PCDHA9: variants seen among roughly 807,000 people sequenced by gnomAD.
PCDHA9 encodes the protein protocadherin alpha-9.
A neutral mutation model predicts 62.0 loss-of-function variants in PCDHA9; 62 were observed. That is an observed-to-expected ratio of 1.00 (90% CI 0.81 to 1.23). The LOEUF (loss-of-function observed/expected upper bound fraction) is 1.23, where lower values mean the gene tolerates loss of function less well. Ranked by LOEUF, PCDHA9 falls within the 50% of genes most tolerant of loss-of-function variation. PCDHA9 has a pLI of 0.00. For missense variants in PCDHA9, 1,205 were observed against 1,249.8 expected (o/e 0.96, Z 0.54); for synonymous variants, 557 against 567.6 (o/e 0.98, Z 0.27).
At chr5:140,966,248 G>C (rs2095985597) in intron 1 of PCDHA9, 2 of 322,664 alleles carry the variant, frequency 6.2e-6, no homozygotes, top group Non-Finnish European at 5.6e-6. Context: ...AAGCAGGGGA[G>C]AGACGGTGGA....
chr5:140,998,755 A>G (rs940678929), intron 3 of PCDHA9, among the ~76,000 whole-genome samples: 2 of 152,062 alleles, frequency 1.3e-5, no homozygotes, highest in African/African-American at 4.8e-5. Flanking sequence ...GAAGAGACAC[A>G]GTTTCACTAT....
chr5:140,993,462 TCACACACACACACACACACACACA>T (rs3836747), intron 3 of PCDHA9, among the ~76,000 whole-genome samples: 3 of 140,938 alleles, frequency 2.1e-5, no homozygotes, highest in African/African-American at 5.3e-5. Flanking sequence ...TCTTTCTTTC[TCACACACACACACACACACACACA>T]CACACACACA....
chr5:140,967,030 C>T, intron 1 of PCDHA9: 1 of 1,609,320 alleles, frequency 6.2e-7, no homozygotes, highest in Non-Finnish European at 8.5e-7. Flanking sequence ...CCAGTCCGCG[C>T]TACCTGGAGC....
At position 140,875,233 on chromosome 5, in the gene PCDHA9, G is replaced by A. The variant is rs1379502066; in HGVS notation, c.2394+24344G>A. Reference sequence around the variant, plus strand: ...CGAAAAGAACCTCAGGATCTTTCTTGTACTTACATAATCAGTCACATGATG... The same window carrying A: ...CGAAAAGAACCTCAGGATCTTTCTTATACTTACATAATCAGTCACATGATG... On this transcript the variant is annotated intron_variant, in intron 1 of 3. Coordinates refer to ENST00000532602, the MANE Select transcript of PCDHA9 (RefSeq NM_031857.2). The A allele has an allele frequency of 3.5e-6, 3 of 863,762 alleles. No individual in the cohort carries two copies. The African/African-American group carries it at 5.1e-5, about 15-fold the overall frequency. The allele number at this position is 863,762 out of a possible 1,614,324, so 53.5% of individuals were successfully genotyped here. A position where few individuals can be genotyped will look rare whatever the true frequency, so the allele number is the denominator to read the frequency against.
chr5:140,962,757 T>C (rs1554226219), intron 1 of PCDHA9, among the ~76,000 whole-genome samples: 1 of 152,240 alleles, frequency 6.6e-6, no homozygotes, highest in Non-Finnish European at 1.5e-5. Context: ...GGAATCCTAT[T>C]CGTTTTTAAC....
At chr5:140,884,908 T>C (rs1056953779) in intron 1 of PCDHA9, among the ~76,000 whole-genome samples, 1 of 152,234 alleles carries the variant, frequency 6.6e-6, no homozygotes, top group Admixed American at 6.5e-5. Flanking sequence ...TGTTGTATTC[T>C]TAATAGTTCT....
At chr5:140,917,906 G>C (rs1334892378) in intron 1 of PCDHA9, among the ~76,000 whole-genome samples, 1 of 151,938 alleles carries the variant, frequency 6.6e-6, no homozygotes, top group East Asian at 1.9e-4. Flanking sequence ...TGTTAGGATA[G>C]TTTGTTTTTC....
chr5:140,993,463 CACA>C (rs1563592017), intron 3 of PCDHA9, among the ~76,000 whole-genome samples: 29 of 7,582 alleles, frequency 3.8e-3, no homozygotes, highest in African/African-American at 0.016. Flanking sequence ...CTTTCTTTCT[CACA>C]CACACACACA....
In PCDHA9 at chr5:140,978,905, T is replaced by C. The variant is rs782532288; in HGVS notation, c.2395-44T>C. 9 of 1,613,632 alleles carry C rather than the reference T, an allele frequency of 5.6e-6. No homozygotes were observed. In the South Asian group the frequency reaches 9.9e-5, roughly 18 times the overall value. On this transcript the variant is annotated intron_variant, in intron 1 of 3. Coordinates refer to ENST00000532602, the MANE Select transcript of PCDHA9 (RefSeq NM_031857.2). ...AATTAGCAGCATTCCTGGGAGAACA[T>C]TGTCTTGTCATTTTAACAGAAAACT...
intron 1 of PCDHA9, chr5:140,876,387 T>C (rs2056316391): frequency 6.2e-7 from 1 of 1,613,830 alleles, no homozygotes; most frequent in Admixed American, 1.7e-5. Flanking sequence ...TTAGAATTTA[T>C]GGTGAACTGG....
chr5:140,978,994 G>A lies in PCDHA9; in HGVS notation c.2440G>A (p.Ala814Thr). The A allele has an allele frequency of 6.2e-7, 1 of 1,614,152 alleles. No homozygotes were observed. The highest frequency in any genetic ancestry group is 8.5e-7 in the Non-Finnish European group (1 of 1,180,022). The change falls in exon 2 of 4, where the codon GCA (alanine) becomes ACA (threonine). Residue 814 changes from alanine to threonine, a missense_variant. Coordinates refer to ENST00000532602, the MANE Select transcript of PCDHA9 (RefSeq NM_031857.2). ...CTGGCGTTACTCTGCCTCCCTGAGA[G>A]CAGGCATGCACAGGTATGTATTTCC... ...PDWRYSASLR[A>T]GMHSSVHLEE... is the part of the protein sequence containing the mutation.
intron 1 of PCDHA9, chr5:140,877,232 C>A: frequency 6.2e-6 from 10 of 1,613,680 alleles, no homozygotes; most frequent in Non-Finnish European, 7.6e-6. Context: ...TCGGTGGGTG[C>A]GGGCCACGTG....
intron 1 of PCDHA9, chr5:140,884,562 A>C (rs782650365): frequency 6.2e-7 from 1 of 1,614,166 alleles, no homozygotes; most frequent in Non-Finnish European, 8.5e-7. Flanking sequence ...GAGGGCCCGC[A>C]TAAGACGGAC....
chr5:140,910,055 T>A (rs1554194090), intron 1 of PCDHA9, among the ~76,000 whole-genome samples: 1 of 152,218 alleles, frequency 6.6e-6, no homozygotes, highest in Non-Finnish European at 1.5e-5. Flanking sequence ...TAATAAGTGA[T>A]CTTTTAACAG....
chr5:140,870,555 G>A (rs1554164406), intron 1 of PCDHA9: 1 of 1,613,926 alleles, frequency 6.2e-7, no homozygotes, highest in Non-Finnish European at 8.5e-7. Context: ...CGGACGCGCA[G>A]GAGAACGCGC....
intron 1 of PCDHA9, among the ~76,000 whole-genome samples, chr5:140,904,548 A>T (rs1280388333): frequency 1.3e-5 from 2 of 152,050 alleles, no homozygotes; most frequent in Admixed American, 1.3e-4. Flanking sequence ...TCTTTTTCAT[A>T]TAATGACTTT....
At chr5:140,916,550 A>G (rs1355799677) in intron 1 of PCDHA9, among the ~76,000 whole-genome samples, 5 of 152,052 alleles carry the variant, frequency 3.3e-5, no homozygotes, top group Admixed American at 1.3e-4. Flanking sequence ...TGGGTTTTCT[A>G]TTTGTCCAGG....
At chr5:140,905,383 A>G (rs576453128) in intron 1 of PCDHA9, among the ~76,000 whole-genome samples, 8 of 152,324 alleles carry the variant, frequency 5.3e-5, no homozygotes, top group African/African-American at 1.7e-4. Flanking sequence ...GTTCTGTTTC[A>G]TAGGTCTGTG....
chr5:140,917,491 C>G (rs2078223929), intron 1 of PCDHA9, among the ~76,000 whole-genome samples: 1 of 152,172 alleles, frequency 6.6e-6, no homozygotes, highest in Non-Finnish European at 1.5e-5. Flanking sequence ...GGGCCTATGC[C>G]CAGAATGATA....
Sources: allele counts gnomAD v4.1 joint callset (sites outside exome capture counted in the v4.1 genomes callset), GRCh38; gene constraint gnomAD v4.1.1; transcripts MANE v1.5; gene names NCBI Gene and HGNC (gene_info 2026-07-23, HGNC 2026-07-21).